GATAD2B: variants seen among roughly 807,000 people sequenced by gnomAD.
GATAD2B encodes transcriptional repressor p66-beta.
GATAD2B carries 8 observed loss-of-function variants against 64.3 expected under a neutral mutation model. The observed-to-expected ratio is 0.12, with a 90% CI of 0.07 to 0.22. The LOEUF is 0.22. GATAD2B is among the 10% of genes least tolerant of loss of function. GATAD2B has a pLI of 1.00. For synonymous variants in GATAD2B, 281 were observed against 271.3 expected, an observed-to-expected ratio of 1.04 and a Z score of -0.35; for missense variants, 453 against 752.0, an observed-to-expected ratio of 0.60 and a Z score of 4.65.
At chr1:153,876,961 G>A (rs185233087) in intron 1 of GATAD2B, among the ~76,000 whole-genome samples, 1 of 152,286 alleles carries the variant, frequency 6.6e-6, no homozygotes, top group East Asian at 1.9e-4. Flanking sequence ...AGGTTACAGT[G>A]AGCCAAGATC....
intron 1 of GATAD2B, among the ~76,000 whole-genome samples, chr1:153,877,679 A>G (rs558895524): frequency 1.3e-5 from 2 of 152,124 alleles, no homozygotes; most frequent in African/African-American, 4.8e-5. Context: ...AGAGTTCCAG[A>G]CCAGCCTGAC....
Position 153,805,238 on chromosome 1 carries a change from C to T in GATAD2B, c.*4939G>A, listed in dbSNP as rs766306463. On this transcript the variant is annotated 3_prime_UTR_variant, in exon 11 of 11. Coordinates refer to ENST00000368655, the MANE Select transcript of GATAD2B (RefSeq NM_020699.4). ...AAGGAGACAGACTGTGAAACAGCTG[C>T]CTTTAGCGGGGTTCAGATGAAATCT... 6.6e-6 allele frequency: 1 copy of T among 152,122 alleles called. No homozygotes were observed. The highest frequency in any genetic ancestry group is 1.5e-5 in the Non-Finnish European group (1 of 68,050). 9.4% of individuals were successfully genotyped at this position (152,122 alleles called of 1,614,324 possible). A position where few individuals can be genotyped will look rare whatever the true frequency, so the allele number is the denominator to read the frequency against.
intron 1 of GATAD2B, among the ~76,000 whole-genome samples, chr1:153,854,180 A>G (rs1465161582): frequency 1.3e-5 from 2 of 152,144 alleles, no homozygotes; most frequent in South Asian, 2.1e-4. Context: ...AAACGGGCGG[A>G]TCGTGAGGTC....
chr1:153,852,799 T>C (rs778411685), intron 1 of GATAD2B: 4 of 911,922 alleles, frequency 4.4e-6, no homozygotes, highest in Non-Finnish European at 7.3e-6. Flanking sequence ...CTGAACCATA[T>C]CATATCCTTC....
chr1:153,819,957 G>A (rs967219182), intron 2 of GATAD2B, among the ~76,000 whole-genome samples: 27 of 152,114 alleles, frequency 1.8e-4, no homozygotes, highest in South Asian at 2.1e-4. Context: ...AATTAGCTGC[G>A]CATGGCGGCG....
chr1:153,818,500 G>A (rs1224998110), intron 4 of GATAD2B, among the ~76,000 whole-genome samples: 1 of 151,854 alleles, frequency 6.6e-6, no homozygotes, highest in East Asian at 1.9e-4. Flanking sequence ...ATTTTTAGTA[G>A]AGATGGGGTT....
chr1:153,859,653 G>C (rs1570966372), intron 1 of GATAD2B, among the ~76,000 whole-genome samples: 1 of 148,536 alleles, frequency 6.7e-6, no homozygotes, highest in East Asian at 2.0e-4. Flanking sequence ...CTGGGTAACA[G>C]AGTGAGACTC....
intron 1 of GATAD2B, among the ~76,000 whole-genome samples, chr1:153,870,390 T>C (rs2101929323): frequency 6.6e-6 from 1 of 152,162 alleles, no homozygotes; most frequent in East Asian, 1.9e-4. Context: ...GCTAACACAG[T>C]GAAACCCCGT....
At chr1:153,842,341 T>C (rs1675525437) in intron 1 of GATAD2B, among the ~76,000 whole-genome samples, 1 of 152,184 alleles carries the variant, frequency 6.6e-6, no homozygotes, top group South Asian at 2.1e-4. Context: ...TACTGTTGAG[T>C]TTTGAGAGTT....
chr1:153,831,618 T>C (rs943020905), intron 1 of GATAD2B, among the ~76,000 whole-genome samples: 2 of 152,210 alleles, frequency 1.3e-5, no homozygotes, highest in African/African-American at 4.8e-5. Flanking sequence ...CAACTATCAT[T>C]ATAATCAACT....
At chr1:153,811,593 G>T in intron 10 of GATAD2B, 138 bp downstream of exon 10, 1 of 716,580 alleles carries the variant, frequency 1.4e-6, no homozygotes, top group African/African-American at 1.8e-5. Flanking sequence ...CATTTGCTGA[G>T]TAACAGAAGA....
chr1:153,856,906 G>A (rs1194803208), intron 1 of GATAD2B, among the ~76,000 whole-genome samples: 1 of 152,034 alleles, frequency 6.6e-6, no homozygotes, highest in Non-Finnish European at 1.5e-5. Flanking sequence ...CTATGGATAT[G>A]GTTACTTGTT....
chr1:153,836,187 C>T (rs1229014609), intron 1 of GATAD2B, among the ~76,000 whole-genome samples: 2 of 151,640 alleles, frequency 1.3e-5, no homozygotes, highest in Non-Finnish European at 2.9e-5. Flanking sequence ...TGTGTGTAAT[C>T]CCAGTGACAC....
chr1:153,874,825 C>T (rs1405797556), intron 1 of GATAD2B, among the ~76,000 whole-genome samples: 1 of 151,872 alleles, frequency 6.6e-6, no homozygotes, highest in Non-Finnish European at 1.5e-5. Context: ...GATCCACTCG[C>T]CTTGGCCCCC....
chr1:153,891,823 T>C (rs774175572), intron 1 of GATAD2B, among the ~76,000 whole-genome samples: 27 of 151,850 alleles, frequency 1.8e-4, no homozygotes, highest in Non-Finnish European at 2.8e-4. Context: ...AAGGAATGGC[T>C]AGATTTAACA....
chr1:153,829,518 A>AC (rs1675004047), intron 1 of GATAD2B, among the ~76,000 whole-genome samples: 1 of 151,876 alleles, frequency 6.6e-6, no homozygotes, highest in Non-Finnish European at 1.5e-5. Flanking sequence ...AGGGTGGATC[A>AC]CGAGGTCAGG....
chr1:153,917,642 G>A lies in GATAD2B; in HGVS notation c.-2+5091C>T, dbSNP rs959058797. ...ACTCCTGACCTCATGTGATCCGCCC[G>A]CCTCAGCCTCCCAAAGTGCTGGGAT... On this transcript the variant is annotated intron_variant, in intron 1 of 10. Transcript: ENST00000368655. Among the ~76,000 whole-genome samples the A allele has an allele frequency of 5.3e-5, 8 of 151,942 alleles. No individual in the cohort carries two copies. In the East Asian group the frequency reaches 5.8e-4, roughly 11 times the overall value.
intron 7 of GATAD2B, 149 bp from the exon 8 acceptor site, chr1:153,813,601 T>C: frequency 1.6e-6 from 1 of 632,884 alleles, no homozygotes; most frequent in Non-Finnish European, 2.7e-6. Flanking sequence ...AAAATACTTT[T>C]ATTTCATCTG....
chr1:153,879,624 A>G (rs1676947004), intron 1 of GATAD2B, among the ~76,000 whole-genome samples: 1 of 151,932 alleles, frequency 6.6e-6, no homozygotes, highest in Non-Finnish European at 1.5e-5. Flanking sequence ...TTAGCTGGGC[A>G]TGGTGGCGCA....
Sources: allele counts gnomAD v4.1 joint callset (sites outside exome capture counted in the v4.1 genomes callset), GRCh38; gene constraint gnomAD v4.1.1; transcripts MANE v1.5; gene names NCBI Gene and HGNC (gene_info 2026-07-23, HGNC 2026-07-21).